GNG12: variants seen among roughly 807,000 people sequenced by gnomAD.
GNG12 encodes G protein subunit gamma 12.
For synonymous variants in GNG12, 28 were observed against 29.7 expected (o/e 0.94, Z 0.19); for missense variants, 69 against 83.8 (o/e 0.82, Z 0.69).
chr1:67,723,937 TG>T (rs745692588), intron 2 of GNG12, among the ~76,000 whole-genome samples: 1 of 152,178 alleles, frequency 6.6e-6, no homozygotes, highest in Non-Finnish European at 1.5e-5. Flanking sequence ...TGGGAGTTAC[TG>T]GGGACTGCTG....
chr1:67,759,027 AT>A (rs2100736106), intron 2 of GNG12, among the ~76,000 whole-genome samples: 1 of 152,346 alleles, frequency 6.6e-6, no homozygotes, highest in African/African-American at 2.4e-5. Flanking sequence ...AGCTAAAAAA[AT>A]GTGCAATGTT....
chr1:67,786,802 T>A (rs1646770061), intron 1 of GNG12, among the ~76,000 whole-genome samples: 1 of 151,962 alleles, frequency 6.6e-6, no homozygotes, highest in African/African-American at 2.4e-5. Flanking sequence ...CCAGGCATGA[T>A]GGCACGTGCC....
At chr1:67,798,389 G>A (rs1231243954) in intron 1 of GNG12, among the ~76,000 whole-genome samples, 1 of 152,140 alleles carries the variant, frequency 6.6e-6, no homozygotes, top group East Asian at 1.9e-4. Flanking sequence ...CACTGGCCAT[G>A]GAAAAACCGT....
rs553343029 is a variant in GNG12 at position 67,758,893 on chromosome 1, A to AG, written c.-27+18564dup. On this transcript the variant is annotated intron_variant, in intron 2 of 3. Transcript: ENST00000370982. ...GTGGTTACCAGAGGCTGGGAAGGGA[A>AG]GGGGGGGATGAAAAGTTGGTTAAGG... 7.1e-3 allele frequency among the ~76,000 whole-genome samples: 1,087 copies of AG among 152,192 alleles called. 13 individuals are homozygous for AG. The highest frequency in any genetic ancestry group is 0.025 in the African/African-American group (1,036 of 41,508).
intron 2 of GNG12, among the ~76,000 whole-genome samples, chr1:67,747,225 T>C (rs766979174): frequency 1.3e-4 from 20 of 152,228 alleles, no homozygotes; most frequent in Non-Finnish European, 1.9e-4. Flanking sequence ...GTTCAAGTGA[T>C]TGTCCTGCCT....
chr1:67,805,277 T>G (rs1021369689), intron 1 of GNG12, among the ~76,000 whole-genome samples: 1 of 152,206 alleles, frequency 6.6e-6, no homozygotes, highest in African/African-American at 2.4e-5. Flanking sequence ...TGGGACATCA[T>G]GTCTGCCTTT....
rs1483115830 is a variant in GNG12 at position 67,833,408 on chromosome 1, G to T, written c.-141C>A. 9 of 985,170 alleles carry T rather than the reference G, an allele frequency of 9.1e-6. No individual in the cohort carries two copies. Among genetic ancestry groups the T allele is most frequent in the African/African-American group, 1.8e-5 (1 of 57,112 alleles). The allele number at this position is 985,170 out of a possible 1,614,324, so 61.0% of individuals were successfully genotyped here. On this transcript the variant is annotated 5_prime_UTR_variant, in exon 1 of 4. Coordinates refer to ENST00000370982, the MANE Select transcript of GNG12 (RefSeq NM_018841.6). ...TCGGTCTCTAAGGGCTCCTGGAGAC[G>T]GCTCCGACCTCTCCTCCTCCTCCTC...
At chr1:67,793,799 T>C (rs1416728298) in intron 1 of GNG12, among the ~76,000 whole-genome samples, 7 of 152,206 alleles carry the variant, frequency 4.6e-5, no homozygotes, top group Non-Finnish European at 1.5e-5. Context: ...AAACACTGTT[T>C]CACATGTTTT....
intron 2 of GNG12, among the ~76,000 whole-genome samples, chr1:67,741,802 A>AT (rs1646484146): frequency 6.6e-6 from 1 of 152,156 alleles, no homozygotes; most frequent in South Asian, 2.1e-4. Flanking sequence ...AATTATTATT[A>AT]TTTTTTTCAT....
intron 1 of GNG12, among the ~76,000 whole-genome samples, chr1:67,802,190 G>A (rs746498652): frequency 6.6e-6 from 1 of 152,170 alleles, no homozygotes; most frequent in South Asian, 2.1e-4. Flanking sequence ...GGCTGGTACT[G>A]TAGCTACCAA....
At chr1:67,745,380 T>C (rs1403247581) in intron 2 of GNG12, among the ~76,000 whole-genome samples, 10 of 152,204 alleles carry the variant, frequency 6.6e-5, no homozygotes, top group Non-Finnish European at 7.4e-5. Flanking sequence ...ACTGCGTGAC[T>C]TGGAGAAGGC....
At chr1:67,798,771 T>C (rs887787169) in intron 1 of GNG12, among the ~76,000 whole-genome samples, 10 of 151,968 alleles carry the variant, frequency 6.6e-5, no homozygotes, top group Admixed American at 3.3e-4. Context: ...CTGGCCAACA[T>C]AGTGAAAGCC....
At chr1:67,805,283 C>A (rs74686417) in intron 1 of GNG12, among the ~76,000 whole-genome samples, 3,296 of 152,252 alleles carry the variant, frequency 0.022, 57 homozygotes, top group Non-Finnish European at 0.032. Context: ...ATCATGTCTG[C>A]CTTTCATTCA....
chr1:67,806,963 CCAA>C (rs764969274), intron 1 of GNG12, among the ~76,000 whole-genome samples: 2 of 152,092 alleles, frequency 1.3e-5, no homozygotes, highest in South Asian at 4.1e-4. Flanking sequence ...ACTACTTCAT[CCAA>C]CAACAACAAC....
chr1:67,793,117 G>A (rs1646810885), intron 1 of GNG12, among the ~76,000 whole-genome samples: 1 of 152,094 alleles, frequency 6.6e-6, no homozygotes, highest in Admixed American at 6.5e-5. Flanking sequence ...TGTCTCCTGT[G>A]TCTTTTCTCC....
intron 2 of GNG12, among the ~76,000 whole-genome samples, chr1:67,719,957 A>G (rs1479767818): frequency 6.6e-6 from 1 of 152,384 alleles, no homozygotes; most frequent in Non-Finnish European, 1.5e-5. Flanking sequence ...CCAACACATC[A>G]GCCAGCCTGA....
intron 2 of GNG12, among the ~76,000 whole-genome samples, chr1:67,771,201 G>A (rs754989521): frequency 3.9e-5 from 6 of 152,226 alleles, no homozygotes; most frequent in Non-Finnish European, 7.3e-5. Context: ...ACTATGACTG[G>A]TGAGTCACAT....
At chr1:67,764,902 A>T (rs192082688) in intron 2 of GNG12, among the ~76,000 whole-genome samples, 44 of 152,342 alleles carry the variant, frequency 2.9e-4, no homozygotes, top group Non-Finnish European at 5.4e-4. Context: ...GGAATCGTCC[A>T]GGAACTAGAC....
chr1:67,762,030 A>T (rs965223990), intron 2 of GNG12, among the ~76,000 whole-genome samples: 1 of 152,144 alleles, frequency 6.6e-6, no homozygotes, highest in Admixed American at 6.5e-5. Flanking sequence ...CTCCAGAATG[A>T]TACTCCAGTG....
Sources: gnomAD v4.1 joint callset for allele counts (sites outside exome capture counted in the v4.1 genomes callset) on GRCh38, gnomAD v4.1.1 for gene constraint, MANE v1.5 for transcripts, NCBI Gene and HGNC (gene_info 2026-07-23, HGNC 2026-07-21) for gene names.